GCC2: variants seen among roughly 807,000 people sequenced by gnomAD.
The protein encoded by GCC2 is GRIP and coiled-coil domain-containing protein 2.
GCC2 carries 120 observed loss-of-function variants against 210.6 expected under a neutral mutation model. That is an observed-to-expected ratio of 0.57 (90% CI 0.49 to 0.66). GCC2 has a LOEUF of 0.66. Ranked by LOEUF, GCC2 falls within the 30% of genes least tolerant of loss-of-function variation. GCC2 has a pLI of 0.00. For synonymous variants in GCC2, 703 were observed against 652.7 expected (o/e 1.08, Z -1.17); for missense variants, 1,868 against 1,871.9 (o/e 1.00, Z 0.04).
rs956479411 is a variant in GCC2, at chr2:108,508,344, G to A, written c.*714G>A. The A allele has an allele frequency of 4.3e-5, 6 of 138,910 alleles. No homozygotes were observed. Among genetic ancestry groups the A allele is most frequent in the African/African-American group, 1.6e-4 (6 of 38,224 alleles). 8.6% of individuals were successfully genotyped at this position (138,910 alleles called of 1,614,324 possible). On this transcript the variant is annotated 3_prime_UTR_variant, in exon 23 of 23. Transcript: ENST00000309863. ...TTATGCTAAGTTAAAATACAGTTTAGTTATTTGCTTTAAAATAAACTCTTC... is the reference window on the plus strand; with the variant it reads ...TTATGCTAAGTTAAAATACAGTTTAATTATTTGCTTTAAAATAAACTCTTC...
chr2:108,468,879 A>G (rs1253778563), intron 4 of GCC2, 101 bp from the exon 5 acceptor site: 3 of 724,844 alleles, frequency 4.1e-6, no homozygotes, highest in East Asian at 5.0e-5. Flanking sequence ...AAAATCTCTT[A>G]TTCTCACTTC....
In GCC2 at chr2:108,471,065, A is replaced by T. The variant is rs1489482701; in HGVS notation, c.1736A>T (p.Asp579Val). Residue 579 changes from aspartate (D) to valine (V), a missense_variant, in exon 6 of 23, where the codon GAT becomes GTT. By Grantham distance (152) the Asp-to-Val change is radical. Transcript: ENST00000309863. ...GVYLLSLSQR[D>V]TMLKELEGKI... ...TACTTACTTAGTCTCAGTCAAAGAG[A>T]TACCATGTTAAAAGAATTAGAAGGA... The T allele has an allele frequency of 3.2e-6, 5 of 1,584,790 alleles. No individual in the cohort carries two copies. The East Asian group carries it at 1.1e-4, about 35-fold the overall frequency.
chr2:108,468,855 G>GT, intron 4 of GCC2, 125 bp from the exon 5 acceptor site: 1 of 633,394 alleles, frequency 1.6e-6, no homozygotes, highest in Admixed American at 2.7e-5. Flanking sequence ...TTTGCGCAAT[G>GT]TGTTCTACCT....
At chr2:108,452,541 T>A in intron 4 of GCC2, 75 bp downstream of exon 4, 1 of 876,212 alleles carries the variant, frequency 1.1e-6, no homozygotes, top group Non-Finnish European at 1.9e-6. Context: ...AGAGGCTATC[T>A]GGCTTTCTGT....
At chr2:108,463,137 T>C (rs1292100406) in intron 4 of GCC2, among the ~76,000 whole-genome samples, 1 of 152,162 alleles carries the variant, frequency 6.6e-6, no homozygotes, top group Non-Finnish European at 1.5e-5. Context: ...TGGAAACTTT[T>C]TGTATCTCAC....
intron 4 of GCC2, chr2:108,462,754 G>C (rs1316038885): frequency 6.6e-6 from 1 of 151,448 alleles, no homozygotes; most frequent in Non-Finnish European, 1.5e-5. Flanking sequence ...GTAGAGACAG[G>C]GTTTCACCAT....
rs780546514 is a variant in GCC2 at position 108,483,047 on chromosome 2, T to C, written c.3346-15T>C. 7.1e-7 allele frequency: 1 copy of C among 1,409,868 alleles called. No homozygotes were observed. Among genetic ancestry groups the C allele is most frequent in the East Asian group, 2.3e-5 (1 of 43,906 alleles). The allele number at this position is 1,409,868 out of a possible 1,614,324, so 87.3% of individuals were successfully genotyped here. On this transcript the variant is annotated splice_polypyrimidine_tract_variant and intron_variant, in intron 11 of 22. Coordinates refer to ENST00000309863, the MANE Select transcript of GCC2 (RefSeq NM_181453.4). ...TTGGTTGGGTGGTGTGGGTTGTTTT[T>C]ATTTTTAATTTCAGGAACATGCCAC... is the stretch of plus-strand genomic sequence containing the variant.
At chr2:108,498,987 G>T (rs895871523) in intron 21 of GCC2, among the ~76,000 whole-genome samples, 4 of 147,314 alleles carry the variant, frequency 2.7e-5, no homozygotes, top group Non-Finnish European at 6.0e-5. Context: ...TCATGGAGAC[G>T]TTCCATCAGT....
At chr2:108,496,762 A>C in intron 20 of GCC2, 2 of 721,314 alleles carry the variant, frequency 2.8e-6, no homozygotes, top group South Asian at 4.1e-5. Flanking sequence ...CAGTTAGATG[A>C]CATGCTTTAC....
intron 2 of GCC2, 69 bp from the exon 3 acceptor site, chr2:108,450,959 T>C: frequency 1.1e-6 from 1 of 929,230 alleles, no homozygotes; most frequent in Non-Finnish European, 1.7e-6. Flanking sequence ...CTAGCAGACA[T>C]TGTTTCTTTT....
At chr2:108,505,447 C>T (rs1683135457) in intron 22 of GCC2, among the ~76,000 whole-genome samples, 3 of 152,118 alleles carry the variant, frequency 2.0e-5, no homozygotes, top group Admixed American at 1.3e-4. Flanking sequence ...AATCTCTTCC[C>T]CTTGAGAGCC....
Position 108,485,867 on chromosome 2 carries a change from G to A in GCC2, c.3751G>A (p.Gly1251Ser). Residue 1251 changes from glycine (G) to serine (S), a missense_variant, in exon 15 of 23, where the codon GGT becomes AGT. Gly to Ser is a moderately conservative substitution (Grantham distance 56). Around this residue, in one of 3 missense-constraint regions of GCC2, gnomAD observed 1,847 missense variants for 1,765.2 expected, o/e 1.05. Transcript: ENST00000309863. ...DHLILQASLK[G>S]ELEASQQQVE... ...CTTAATACTTCAAGCATCTTTAAAA[G>A]GTGAGCTGGAGGCAAGCCAGCAGCA... 1 of 1,592,990 alleles carries A rather than the reference G, an allele frequency of 6.3e-7. No individual in the cohort carries two copies. The highest frequency in any genetic ancestry group is 8.6e-7 in the Non-Finnish European group (1 of 1,168,662).
At position 108,471,940 on chromosome 2, in the gene GCC2, A is replaced by C; in HGVS notation, c.2611A>C (p.Thr871Pro). The C allele has an allele frequency of 6.2e-7, 1 of 1,603,208 alleles. No homozygotes were observed. The highest frequency in any genetic ancestry group is 8.5e-7 in the Non-Finnish European group (1 of 1,177,228). The change falls in exon 6 of 23, where the codon ACA becomes CCA. Residue 871 changes from threonine to proline, a missense_variant. By Grantham distance (38) the Thr-to-Pro change is conservative. Around this residue, in one of 3 missense-constraint regions of GCC2, gnomAD observed 1,847 missense variants for 1,765.2 expected, o/e 1.05. Transcript: ENST00000309863. ...LLEMKNANEK[T>P]RLENQNLLIQ... Reference sequence around the variant, plus strand: ...AGAAATGAAGAATGCTAATGAAAAAACAAGGCTTGAAAATCAGAATCTTTT... The same window carrying C: ...AGAAATGAAGAATGCTAATGAAAAACCAAGGCTTGAAAATCAGAATCTTTT...
Position 108,472,051 on chromosome 2 carries a change from A to C in GCC2, c.2722A>C (p.Asn908His). ...AAAATGTTTTATAAAGGAACATGAA[A>C]ACCTAAAGCCACTACTAGAACAAAA... ...KEKCFIKEHE[N>H]LKPLLEQKEL... Residue 908 changes from asparagine to histidine, a missense_variant, in exon 6 of 23, where the codon AAC becomes CAC. Asn to His is a moderately conservative substitution (Grantham distance 68). This residue lies in a region of GCC2 where 1,847 missense variants were observed against 1,765.2 expected (regional missense o/e 1.05). Transcript: ENST00000309863. 6.3e-7 allele frequency: 1 copy of C among 1,590,176 alleles called. No individual in the cohort carries two copies.
chr2:108,496,802 TACA>T (rs1682665858), intron 20 of GCC2, 165 bp from the exon 21 acceptor site: 6 of 938,878 alleles, frequency 6.4e-6, no homozygotes, highest in Non-Finnish European at 9.4e-6. Flanking sequence ...TTGTGTCACC[TACA>T]ACATATAATC....
chr2:108,470,782 G>A lies in GCC2; in HGVS notation c.1453G>A (p.Glu485Lys). ...EAILNYESLR[E>K]IMEILQTELG... is the part of the protein sequence containing the mutation. ...AATTTTAAATTATGAGAGTTTACGAGAGATTATGGAAATTTTACAAACAGA... is the reference window on the plus strand; with the variant it reads ...AATTTTAAATTATGAGAGTTTACGAAAGATTATGGAAATTTTACAAACAGA... Residue 485 changes from glutamate (E) to lysine (K), a missense_variant, in exon 6 of 23, where the codon GAG becomes AAG. By Grantham distance (56) the Glu-to-Lys change is moderately conservative. This residue lies in a region of GCC2 where 1,847 missense variants were observed against 1,765.2 expected (regional missense o/e 1.05). Transcript: ENST00000309863. 1 of 1,613,786 alleles carries A rather than the reference G, an allele frequency of 6.2e-7. No homozygotes were observed. Among genetic ancestry groups the A allele is most frequent in the Non-Finnish European group, 8.5e-7 (1 of 1,179,872 alleles).
rs150423177 is a variant in GCC2, at chr2:108,484,220, A to G, written c.3522A>G (p.Gln1174=). 6.6e-5 allele frequency: 104 copies of G among 1,584,688 alleles called. 1 individual carries two copies. In the African/African-American group the frequency reaches 8.6e-4, roughly 13 times the overall value. Residue 1174 remains glutamine, a synonymous_variant, in exon 13 of 23, where the codon CAA becomes CAG. Coordinates refer to ENST00000309863, the MANE Select transcript of GCC2 (RefSeq NM_181453.4). The stretch of plus-strand genomic sequence containing the variant: ...AACGTTTGATGAAAGAACTAAATCA[A>G]AAGTTAACTAATAAAAACAACAAGA... ...DYERLMKELN[Q]KLTNKNNKIE...
chr2:108,449,426 C>T (rs1443978383), intron 1 of GCC2, 146 bp downstream of exon 1: 6 of 1,412,962 alleles, frequency 4.2e-6, no homozygotes, highest in Non-Finnish European at 5.7e-6. Flanking sequence ...CTTTCGTAAA[C>T]TCTATCCCTG....
At chr2:108,498,623 A>G (rs1421725393) in intron 21 of GCC2, among the ~76,000 whole-genome samples, 3 of 152,366 alleles carry the variant, frequency 2.0e-5, no homozygotes, top group East Asian at 3.9e-4. Flanking sequence ...AAATGAAAAT[A>G]TACTAAAAGC....
Sources: allele counts gnomAD v4.1 joint callset (sites outside exome capture counted in the v4.1 genomes callset), GRCh38; gene constraint gnomAD v4.1.1; regional missense constraint gnomAD v4.1.1; transcripts MANE v1.5; gene names NCBI Gene and HGNC (gene_info 2026-07-23, HGNC 2026-07-21).